The following CLASP1 variants were observed in gnomAD, a reference collection of about 807,000 sequenced individuals.
CLASP1 encodes CLIP-associating protein 1.
CLASP1 carries 38 observed loss-of-function variants against 192.3 expected under a neutral mutation model. The observed-to-expected ratio is 0.20, with a 90% CI of 0.15 to 0.26. CLASP1 has a LOEUF of 0.26. Ranked by LOEUF, CLASP1 falls within the 10% of genes least tolerant of loss-of-function variation. The pLI is 1.00. For synonymous variants in CLASP1, 691 were observed against 712.8 expected, an observed-to-expected ratio of 0.97 and a Z score of 0.49; for missense variants, 1,433 against 1,932.5, an observed-to-expected ratio of 0.74 and a Z score of 4.85.
chr2:121,411,464 A>G (rs1450941387), intron 23 of CLASP1, among the ~76,000 whole-genome samples: 2 of 152,248 alleles, frequency 1.3e-5, no homozygotes, highest in African/African-American at 2.4e-5. Context: ...TGTTAAGCTC[A>G]TTTAATTTTA....
chr2:121,541,913 C>T (rs377120577), intron 2 of CLASP1, among the ~76,000 whole-genome samples: 3 of 152,116 alleles, frequency 2.0e-5, no homozygotes, highest in Non-Finnish European at 2.9e-5. Flanking sequence ...AATAATAAAG[C>T]GTGGCTTACT....
chr2:121,585,760 G>A lies in CLASP1; in HGVS notation c.195+19941C>T, dbSNP rs564030517. ...TAAAAATACAAAATTAGCTGGGCAC[G>A]GTCGTGCGTACCTGTAGTCCCAGCT... On this transcript the variant is annotated intron_variant, in intron 2 of 39. Coordinates refer to ENST00000263710, the Ensembl canonical transcript of CLASP1. 2.6e-5 allele frequency among the ~76,000 whole-genome samples: 4 copies of A among 152,164 alleles called. No individual in the cohort carries two copies. In the South Asian group the frequency reaches 6.2e-4, roughly 24 times the overall value.
At chr2:121,383,389 GGCACACACTGGGTCAGAT>G (rs1216636643) in intron 32 of CLASP1, among the ~76,000 whole-genome samples, 1 of 152,148 alleles carries the variant, frequency 6.6e-6, no homozygotes, top group Non-Finnish European at 1.5e-5. Context: ...CTCTGTGTGG[GGCACACACTGGGTCAGAT>G]GCACACACTG....
chr2:121,417,271 C>T (rs953883195), intron 23 of CLASP1, among the ~76,000 whole-genome samples: 3 of 152,092 alleles, frequency 2.0e-5, no homozygotes, highest in Non-Finnish European at 2.9e-5. Context: ...GATGCTTCCA[C>T]GGACAGTATC....
At chr2:121,587,185 G>C (rs1416912566) in intron 2 of CLASP1, among the ~76,000 whole-genome samples, 2 of 152,028 alleles carry the variant, frequency 1.3e-5, no homozygotes, top group Non-Finnish European at 2.9e-5. Context: ...AGGTTGCAGT[G>C]AGCTGAGATC....
chr2:121,582,242 G>A (rs1385891635), intron 2 of CLASP1, among the ~76,000 whole-genome samples: 3 of 150,072 alleles, frequency 2.0e-5, no homozygotes, highest in Non-Finnish European at 4.4e-5. Context: ...AGGGAGGGAA[G>A]GAGGACAGGA....
intron 2 of CLASP1, among the ~76,000 whole-genome samples, chr2:121,594,626 C>T (rs781184906): frequency 1.5e-4 from 23 of 152,030 alleles, no homozygotes; most frequent in East Asian, 3.9e-4. Context: ...CTCCTGACCT[C>T]GTGATCTGCC....
intron 1 of CLASP1, among the ~76,000 whole-genome samples, chr2:121,647,406 T>C (rs1404340755): frequency 6.6e-6 from 1 of 152,014 alleles, no homozygotes; most frequent in African/African-American, 2.4e-5. Context: ...ATAAAACCAG[T>C]AAACAAAATA....
intron 7 of CLASP1, among the ~76,000 whole-genome samples, chr2:121,504,380 A>C (rs528314834): frequency 6.6e-6 from 1 of 152,178 alleles, no homozygotes; most frequent in African/African-American, 2.4e-5. Context: ...AGCTCTCATC[A>C]TTTCAAATAT....
chr2:121,480,174 T>G (rs1430385753), intron 8 of CLASP1, among the ~76,000 whole-genome samples: 2 of 152,212 alleles, frequency 1.3e-5, no homozygotes, highest in African/African-American at 4.8e-5. Context: ...GCTTTACTAG[T>G]CCTTCACAAA....
chr2:121,448,263 C>T lies in CLASP1; in HGVS notation c.1741+13G>A. ...AGCGGAGAACAGGCCTTCTCCACGGCTGTCAGTCTCACCTCTAGATGTGGT... is the reference window on the plus strand; with the variant it reads ...AGCGGAGAACAGGCCTTCTCCACGGTTGTCAGTCTCACCTCTAGATGTGGT... On this transcript the variant is annotated intron_variant, in intron 18 of 39. Transcript: ENST00000263710. The T allele has an allele frequency of 6.2e-7, 1 of 1,612,470 alleles. No homozygotes were observed. Among genetic ancestry groups the T allele is most frequent in the Non-Finnish European group, 8.5e-7 (1 of 1,178,466 alleles).
At chr2:121,357,163 C>T (rs569073145) in intron 37 of CLASP1, among the ~76,000 whole-genome samples, 6 of 152,072 alleles carry the variant, frequency 3.9e-5, no homozygotes, top group East Asian at 1.9e-4. Context: ...AAATACAAGT[C>T]GTATTTTTGA....
At chr2:121,605,506 T>C (rs2064320322) in intron 2 of CLASP1, among the ~76,000 whole-genome samples, 195 bp downstream of exon 2, 1 of 152,230 alleles carries the variant, frequency 6.6e-6, no homozygotes, top group Non-Finnish European at 1.5e-5. Context: ...TGAGAATTTT[T>C]TGATCTGCAA....
intron 39 of CLASP1, among the ~76,000 whole-genome samples, chr2:121,346,616 C>A (rs551548822): frequency 6.6e-6 from 1 of 152,222 alleles, no homozygotes; most frequent in Non-Finnish European, 1.5e-5. Context: ...ATGCAAAGTG[C>A]GTAGGGCTGC....
chr2:121,382,582 G>T (rs769873935), intron 32 of CLASP1, among the ~76,000 whole-genome samples: 1 of 152,176 alleles, frequency 6.6e-6, no homozygotes, highest in Admixed American at 6.5e-5. Flanking sequence ...AATCACATGA[G>T]ATTCCAAGAG....
intron 18 of CLASP1, 29 bp from the exon 19 acceptor site, chr2:121,447,536 A>G (rs1335911659): frequency 6.6e-7 from 1 of 1,526,520 alleles, no homozygotes. Context: ...AAATATGAAT[A>G]AGGACTACAT....
rs566922532 is a variant in CLASP1 at position 121,648,679 on chromosome 2, C to G, written c.-286+693G>C. Among the ~76,000 whole-genome samples the G allele has an allele frequency of 2.0e-5, 3 of 152,348 alleles. No homozygotes were observed. In the South Asian group the frequency reaches 6.2e-4, roughly 32 times the overall value. On this transcript the variant is annotated intron_variant, in intron 1 of 39. Transcript: ENST00000263710. ...GATCACACACTCATCTTCGTCAGAG[C>G]GTCTCTGCCAATACCAAAGAACAAC...
intron 8 of CLASP1, among the ~76,000 whole-genome samples, chr2:121,479,936 T>C (rs1029694547): frequency 1.3e-5 from 2 of 152,200 alleles, no homozygotes; most frequent in Non-Finnish European, 2.9e-5. Flanking sequence ...ATAGAAGCTC[T>C]GAGGGTGCTA....
chr2:121,452,792 TAAAC>T (rs548025023), intron 14 of CLASP1, among the ~76,000 whole-genome samples: 82 of 151,974 alleles, frequency 5.4e-4, no homozygotes, highest in African/African-American at 1.2e-3. Flanking sequence ...CTCTGTCAAA[TAAAC>T]AAACAAACAA....
Sources: gnomAD v4.1 joint callset for allele counts (sites outside exome capture counted in the v4.1 genomes callset) on GRCh38, gnomAD v4.1.1 for gene constraint, MANE v1.5 for transcripts, NCBI Gene and HGNC (gene_info 2026-07-23, HGNC 2026-07-21) for gene names.